The following R3HDM1 variants were observed in gnomAD, a reference collection of about 807,000 sequenced individuals.
R3HDM1 encodes the protein R3H domain-containing protein 1.
A neutral mutation model predicts 141.1 loss-of-function variants in R3HDM1; 46 were observed. That is an observed-to-expected ratio of 0.33 (90% CI 0.26 to 0.42). The LOEUF (loss-of-function observed/expected upper bound fraction) is 0.42. Ranked by LOEUF, R3HDM1 falls within the 10% of genes least tolerant of loss-of-function variation. The pLI, the probability that R3HDM1 is intolerant of heterozygous loss-of-function variation, is 1.00. For synonymous variants in R3HDM1, 435 were observed against 472.9 expected, an observed-to-expected ratio of 0.92 and a Z score of 1.04; for missense variants, 1,184 against 1,368.3, an observed-to-expected ratio of 0.87 and a Z score of 2.12.
chr2:135,722,100 G>A, intron 25 of R3HDM1, 94 bp downstream of exon 25: 1 of 1,210,582 alleles, frequency 8.3e-7, no homozygotes, highest in Admixed American at 1.9e-5. Context: ...TGTTGGCACT[G>A]CCCAAGAAGA....
At chr2:135,571,362 G>A (rs1704059082) in intron 1 of R3HDM1, among the ~76,000 whole-genome samples, 2 of 151,570 alleles carry the variant, frequency 1.3e-5, no homozygotes, top group African/African-American at 2.4e-5. Flanking sequence ...GTCTTGCTGT[G>A]TTGTCCAGGC....
chr2:135,684,793 C>T (rs2071050792), intron 21 of R3HDM1, among the ~76,000 whole-genome samples: 1 of 151,712 alleles, frequency 6.6e-6, no homozygotes, highest in African/African-American at 2.4e-5. Flanking sequence ...TGAGGTGTCT[C>T]ACTCTGTTAC....
At chr2:135,645,934 C>T (rs992456468) in intron 16 of R3HDM1, among the ~76,000 whole-genome samples, 2 of 152,194 alleles carry the variant, frequency 1.3e-5, no homozygotes. Context: ...GCAAGGTACT[C>T]TTCATCCATT....
intron 9 of R3HDM1, among the ~76,000 whole-genome samples, chr2:135,635,281 G>C (rs991587295): frequency 6.6e-6 from 1 of 152,154 alleles, no homozygotes; most frequent in African/African-American, 2.4e-5. Flanking sequence ...AGTAGCATAA[G>C]ATACGGCACT....
intron 21 of R3HDM1, among the ~76,000 whole-genome samples, chr2:135,707,893 C>G (rs1279252249): frequency 1.3e-5 from 2 of 152,124 alleles, no homozygotes; most frequent in African/African-American, 4.8e-5. Context: ...ATCTCTTTTT[C>G]CCTTTTATTG....
In R3HDM1 at chr2:135,667,556, G is replaced by C; in HGVS notation, c.2152+6163G>C. On this transcript the variant is annotated intron_variant, in intron 19 of 26. Coordinates refer to ENST00000683871, the MANE Select transcript of R3HDM1 (RefSeq NM_001378107.1). ...TCCTCTACTTTCCAGATTAAATTCA[G>C]ATGTATCACAGGAAGAATTTTTTTT... 7 of 765,548 alleles carry C rather than the reference G, an allele frequency of 9.1e-6. No homozygotes were observed. In the South Asian group the frequency reaches 4.2e-4, roughly 46 times the overall value. 47.4% of individuals were successfully genotyped at this position (765,548 alleles called of 1,614,324 possible).
intron 21 of R3HDM1, among the ~76,000 whole-genome samples, chr2:135,702,365 AAAT>A (rs2074332325): frequency 6.6e-6 from 1 of 152,098 alleles, no homozygotes; most frequent in Non-Finnish European, 1.5e-5. Context: ...CTGTACTAAA[AAAT>A]ACAAAAAAAT....
At chr2:135,544,871 G>A (rs1292696660) in intron 1 of R3HDM1, among the ~76,000 whole-genome samples, 1 of 152,102 alleles carries the variant, frequency 6.6e-6, no homozygotes, top group South Asian at 2.1e-4. Flanking sequence ...AGGCTGAGGC[G>A]TGAGATTCGT....
intron 3 of R3HDM1, chr2:135,606,465 A>C (rs2060058310): frequency 6.6e-6 from 1 of 152,108 alleles, no homozygotes; most frequent in African/African-American, 2.4e-5. Context: ...TACCACAAAA[A>C]GTTATTCAAA....
At chr2:135,536,432 C>A in intron 1 of R3HDM1, 1 of 588,662 alleles carries the variant, frequency 1.7e-6, no homozygotes, top group Non-Finnish European at 2.1e-6. Flanking sequence ...CAGGCATAAG[C>A]CACTGCACCC....
At chr2:135,543,054 A>G in intron 1 of R3HDM1, 1 of 979,444 alleles carries the variant, frequency 1.0e-6, no homozygotes, top group Non-Finnish European at 1.2e-6. Flanking sequence ...TTTTAAAGCA[A>G]TGGGAATGGA....
chr2:135,621,955 A>AG (rs2061549117), intron 6 of R3HDM1: 2 of 983,318 alleles, frequency 2.0e-6, no homozygotes, highest in Non-Finnish European at 2.4e-6. Flanking sequence ...AGCTGATGTC[A>AG]TAATATTGAG....
intron 21 of R3HDM1, 44 bp from the exon 22 acceptor site, chr2:135,709,389 A>G (rs1031985735): frequency 2.5e-6 from 4 of 1,608,074 alleles, no homozygotes; most frequent in Non-Finnish European, 3.4e-6. Context: ...GAATGTTTAT[A>G]GTCATCCTCC....
chr2:135,681,447 A>G (rs991386138), intron 21 of R3HDM1, among the ~76,000 whole-genome samples: 5 of 152,186 alleles, frequency 3.3e-5, no homozygotes, highest in Non-Finnish European at 5.9e-5. Flanking sequence ...GAATGATTGT[A>G]GGAAGTATTT....
rs1370279919 is a variant in R3HDM1 at position 135,551,084 on chromosome 2, A to G, written c.-250+19451A>G. On this transcript the variant is annotated intron_variant, in intron 1 of 26. Transcript: ENST00000683871. ...TGTAATCCAAATTTGTAAGTTATAT[A>G]TAGACAGGTGGCTGAGGAAATCTAT... Among the ~76,000 whole-genome samples, 4 of 152,238 alleles carry G rather than the reference A, an allele frequency of 2.6e-5. No homozygotes were observed. In the South Asian group the frequency reaches 6.2e-4, roughly 24 times the overall value.
chr2:135,601,271 ATT>A (rs2059602844), intron 1 of R3HDM1, among the ~76,000 whole-genome samples: 2 of 152,132 alleles, frequency 1.3e-5, no homozygotes, highest in South Asian at 4.1e-4. Flanking sequence ...GTTTTTTGAT[ATT>A]TGTTTTTGAT....
At chr2:135,657,912 T>C (rs562557240) in intron 18 of R3HDM1, among the ~76,000 whole-genome samples, 2 of 152,354 alleles carry the variant, frequency 1.3e-5, no homozygotes, top group East Asian at 3.9e-4. Context: ...AGATACATTC[T>C]GAGAAATTTA....
At chr2:135,669,360 T>A (rs2067985607) in intron 19 of R3HDM1, 1 of 985,230 alleles carries the variant, frequency 1.0e-6, no homozygotes, top group African/African-American at 1.7e-5. Context: ...CTGATTCCTA[T>A]TTTGAATAAC....
chr2:135,533,555 T>C (rs776556701), intron 1 of R3HDM1, among the ~76,000 whole-genome samples: 5 of 152,244 alleles, frequency 3.3e-5, no homozygotes, highest in Non-Finnish European at 5.9e-5. Flanking sequence ...ATGATAATGC[T>C]TAACTTAGGG....
Sources: allele counts gnomAD v4.1 joint callset (sites outside exome capture counted in the v4.1 genomes callset), GRCh38; gene constraint gnomAD v4.1.1; transcripts MANE v1.5; gene names NCBI Gene and HGNC (gene_info 2026-07-23, HGNC 2026-07-21).